The following SLC1A1 variants were observed in gnomAD, a reference collection of about 807,000 sequenced individuals.
The protein encoded by SLC1A1 is excitatory amino acid transporter 3.
A neutral mutation model predicts 53.3 loss-of-function variants in SLC1A1; 43 were observed. The ratio of observed to expected loss-of-function variants is 0.81; its 90% CI spans 0.63 to 1.04. The LOEUF is 1.04. SLC1A1 is among the 50% of genes least tolerant of loss of function. SLC1A1 has a pLI of 0.00. For missense variants in SLC1A1, 748 were observed against 664.9 expected (o/e 1.12, Z -1.37); for synonymous variants, 307 against 243.2 (o/e 1.26, Z -2.44).
At chr9:4,547,082 G>A (rs1377579327) in intron 2 of SLC1A1, among the ~76,000 whole-genome samples, 1 of 152,188 alleles carries the variant, frequency 6.6e-6, no homozygotes, top group Non-Finnish European at 1.5e-5. Flanking sequence ...AATATCAGAT[G>A]TTTGAAAATA....
chr9:4,498,563 T>C (rs776403100), intron 1 of SLC1A1, among the ~76,000 whole-genome samples: 26 of 152,134 alleles, frequency 1.7e-4, no homozygotes, highest in African/African-American at 2.4e-4. Context: ...TAGTTATTCA[T>C]ATATAATGGG....
chr9:4,536,263 C>T (rs556928399), intron 1 of SLC1A1, among the ~76,000 whole-genome samples: 1 of 152,240 alleles, frequency 6.6e-6, no homozygotes, highest in African/African-American at 2.4e-5. Flanking sequence ...AGGCAACCTA[C>T]AGAATGGGAG....
intron 2 of SLC1A1, among the ~76,000 whole-genome samples, chr9:4,558,592 G>A (rs887316546): frequency 6.6e-6 from 1 of 152,152 alleles, no homozygotes; most frequent in Non-Finnish European, 1.5e-5. Context: ...ATTGCCAGCT[G>A]AGTCCTGGAG....
At chr9:4,493,013 T>C (rs898296458) in intron 1 of SLC1A1, among the ~76,000 whole-genome samples, 1 of 152,136 alleles carries the variant, frequency 6.6e-6, no homozygotes, top group African/African-American at 2.4e-5. Flanking sequence ...TTGGAATCAG[T>C]TGCGTGAATA....
chr9:4,497,426 G>T (rs1037196957), intron 1 of SLC1A1, among the ~76,000 whole-genome samples: 4 of 152,166 alleles, frequency 2.6e-5, no homozygotes, highest in Middle Eastern at 3.2e-3. Flanking sequence ...CTAAGGGAAG[G>T]ACGTTTGTGT....
chr9:4,551,409 C>T (rs1479377664), intron 2 of SLC1A1, among the ~76,000 whole-genome samples: 1 of 152,122 alleles, frequency 6.6e-6, no homozygotes, highest in Admixed American at 6.5e-5. Context: ...GGGTGAGGCC[C>T]TACCACTCAC....
chr9:4,562,960 G>C (rs568678532), intron 3 of SLC1A1, among the ~76,000 whole-genome samples: 1 of 132,838 alleles, frequency 7.5e-6, no homozygotes, highest in Admixed American at 8.2e-5. Context: ...ACACTCTGGG[G>C]ACTGTTGTGG....
chr9:4,536,363 C>A (rs1816673330), intron 1 of SLC1A1, among the ~76,000 whole-genome samples: 1 of 140,154 alleles, frequency 7.1e-6, no homozygotes, highest in African/African-American at 2.6e-5. Flanking sequence ...AAAAACAGCC[C>A]CATCAAAAAG....
At chr9:4,539,144 C>A (rs1165236206) in intron 1 of SLC1A1, among the ~76,000 whole-genome samples, 3 of 152,088 alleles carry the variant, frequency 2.0e-5, no homozygotes. Flanking sequence ...TCTGCAAATA[C>A]CCCAAAAGAA....
At chr9:4,517,142 C>A (rs561431464) in intron 1 of SLC1A1, among the ~76,000 whole-genome samples, 6 of 152,182 alleles carry the variant, frequency 3.9e-5, no homozygotes, top group Non-Finnish European at 7.3e-5. Context: ...GCACCTGACA[C>A]GTTAATTTCT....
At chr9:4,582,990 C>A in intron 10 of SLC1A1, 48 bp from the exon 11 acceptor site, 2 of 1,612,548 alleles carry the variant, frequency 1.2e-6, no homozygotes, top group African/African-American at 1.3e-5. Context: ...AGGGCTTTAA[C>A]GGGAGAGGTA....
intron 1 of SLC1A1, among the ~76,000 whole-genome samples, chr9:4,491,863 A>G (rs1820247143): frequency 6.6e-6 from 1 of 152,112 alleles, no homozygotes; most frequent in Non-Finnish European, 1.5e-5. Context: ...CTTCCTCTCC[A>G]ACTGCTGCTC....
intron 1 of SLC1A1, among the ~76,000 whole-genome samples, chr9:4,513,628 AAAAAAC>A (rs1821067412): frequency 6.6e-6 from 1 of 152,194 alleles, no homozygotes; most frequent in South Asian, 2.1e-4. Flanking sequence ...CAGCCACTCT[AAAAAAC>A]AATTTGGCAC....
intron 1 of SLC1A1, among the ~76,000 whole-genome samples, chr9:4,504,848 A>G (rs2130804762): frequency 6.6e-6 from 1 of 152,248 alleles, no homozygotes; most frequent in East Asian, 1.9e-4. Context: ...AGATTTTCTA[A>G]ATTAGACATC....
At chr9:4,509,568 A>AG (rs1039671724) in intron 1 of SLC1A1, among the ~76,000 whole-genome samples, 3 of 152,044 alleles carry the variant, frequency 2.0e-5, no homozygotes, top group African/African-American at 7.3e-5. Context: ...AAATAAAAAA[A>AG]AAAACCCAAC....
rs755380002 is a variant in SLC1A1, at chr9:4,583,016, T to C, written c.1194-22T>C. 6.2e-7 allele frequency: 1 copy of C among 1,614,162 alleles called. No homozygotes were observed. The highest frequency in any genetic ancestry group is 2.2e-5 in the East Asian group (1 of 44,886). Reference sequence around the variant, plus strand: ...GGGAGAGGTAAGTGTCTAACTCCTTTCCTGCTGGTATGTTTCTGCAGTATC... The same window carrying C: ...GGGAGAGGTAAGTGTCTAACTCCTTCCCTGCTGGTATGTTTCTGCAGTATC... On this transcript the variant is annotated intron_variant, in intron 10 of 11. Coordinates refer to ENST00000262352, the MANE Select transcript of SLC1A1 (RefSeq NM_004170.6). This position sits in a 1 kb window ranked among gnomAD's most constrained non-coding sequence, Gnocchi z 4.6.
intron 1 of SLC1A1, among the ~76,000 whole-genome samples, chr9:4,521,242 A>AATT (rs1353573746): frequency 6.6e-6 from 1 of 152,096 alleles, no homozygotes; most frequent in African/African-American, 2.4e-5. Flanking sequence ...AAAAATTTTT[A>AATT]ATTTTTTTCT....
Position 4,503,058 on chromosome 9 carries a change from T to C in SLC1A1, c.91+12288T>C, listed in dbSNP as rs535191112. On this transcript the variant is annotated intron_variant, in intron 1 of 11. Coordinates refer to ENST00000262352, the MANE Select transcript of SLC1A1 (RefSeq NM_004170.6). Reference sequence around the variant, plus strand: ...TGAAGATGGATTTAATTACCACTTTTATGTTGTAGACTTCTCTGACTGCAG... The same window carrying C: ...TGAAGATGGATTTAATTACCACTTTCATGTTGTAGACTTCTCTGACTGCAG... Among the ~76,000 whole-genome samples the C allele has an allele frequency of 3.2e-4, 49 of 151,970 alleles. No homozygotes were observed. The South Asian group carries it at 0.01, about 32-fold the overall frequency.
intron 1 of SLC1A1, among the ~76,000 whole-genome samples, chr9:4,535,018 T>G (rs1186410093): frequency 1.3e-5 from 2 of 152,142 alleles, no homozygotes; most frequent in African/African-American, 4.8e-5. Context: ...CCCTTCATTC[T>G]AAAAACTCTC....
Sources: allele counts gnomAD v4.1 joint callset (sites outside exome capture counted in the v4.1 genomes callset), GRCh38; gene constraint gnomAD v4.1.1; non-coding constraint Gnocchi (gnomAD v3.1); transcripts MANE v1.5; gene names NCBI Gene and HGNC (gene_info 2026-07-23, HGNC 2026-07-21).